Variants in ADARB2 observed in about 807,000 individuals in gnomAD.
The protein encoded by ADARB2 is adenosine deaminase RNA specific B2 (inactive), also known as inactive double-stranded RNA-specific editase B2.
Under a neutral mutation model 62.2 loss-of-function variants are expected in ADARB2, and 25 were observed. The observed-to-expected ratio is 0.40, with a 90% CI of 0.29 to 0.56. ADARB2 has a LOEUF of 0.56. Among genes scored for constraint, ADARB2 ranks in the 20% least tolerant of loss-of-function variants. The pLI is 0.43. For missense variants in ADARB2, 1,071 were observed against 1,077.4 expected, an observed-to-expected ratio of 0.99 and a Z score of 0.08; for synonymous variants, 572 against 500.8, an observed-to-expected ratio of 1.14 and a Z score of -1.90.
intron 1 of ADARB2, among the ~76,000 whole-genome samples, chr10:1,730,669 T>C (rs909586315): frequency 2.0e-5 from 3 of 152,016 alleles, no homozygotes; most frequent in Non-Finnish European, 4.4e-5. Context: ...TTACTCTTCT[T>C]TTTTTATAGG....
At chr10:1,536,745 A>G (rs1832337903) in intron 1 of ADARB2, among the ~76,000 whole-genome samples, 1 of 152,216 alleles carries the variant, frequency 6.6e-6, no homozygotes, top group Admixed American at 6.5e-5. Flanking sequence ...GGTGCTGGGA[A>G]AACTGGCCAG....
intron 1 of ADARB2, among the ~76,000 whole-genome samples, chr10:1,669,457 G>C (rs1834353362): frequency 6.7e-6 from 1 of 149,342 alleles, no homozygotes; most frequent in Admixed American, 6.7e-5. Flanking sequence ...CACAAACAGG[G>C]AGACACAAAC....
intron 7 of ADARB2, among the ~76,000 whole-genome samples, chr10:1,202,670 C>T (rs1276308799): frequency 2.0e-5 from 3 of 152,208 alleles, no homozygotes; most frequent in South Asian, 2.1e-4. Flanking sequence ...CCCAGGGCTC[C>T]GGGTACTGTG....
intron 3 of ADARB2, among the ~76,000 whole-genome samples, chr10:1,295,284 T>C (rs1430054043): frequency 6.6e-6 from 1 of 152,118 alleles, no homozygotes; most frequent in East Asian, 1.9e-4. Context: ...AGCCAAGAAA[T>C]GACCTTCAAG....
intron 1 of ADARB2, among the ~76,000 whole-genome samples, chr10:1,651,844 C>G (rs994695542): frequency 1.1e-3 from 1 of 944 alleles, no homozygotes; most frequent in Admixed American, 6.8e-3. Context: ...GCTCTTCTCA[C>G]CCCCACACGA....
chr10:1,341,966 C>T (rs1203511769), intron 3 of ADARB2, among the ~76,000 whole-genome samples: 1 of 152,246 alleles, frequency 6.6e-6, no homozygotes, highest in Non-Finnish European at 1.5e-5. Flanking sequence ...CACTTTCACC[C>T]TCTCACTCTT....
intron 1 of ADARB2, among the ~76,000 whole-genome samples, chr10:1,715,313 TTATC>T (rs1239093401): frequency 3.3e-5 from 5 of 152,184 alleles, no homozygotes; most frequent in African/African-American, 4.8e-5. Context: ...TGGCAGAACT[TTATC>T]TATGCCTTTT....
intron 1 of ADARB2, among the ~76,000 whole-genome samples, chr10:1,670,781 T>C (rs1834374544): frequency 6.6e-6 from 1 of 152,136 alleles, no homozygotes; most frequent in Non-Finnish European, 1.5e-5. Context: ...TCCAGCAGGT[T>C]TCTGCTTCTC....
intron 1 of ADARB2, among the ~76,000 whole-genome samples, chr10:1,463,220 G>T (rs1039576882): frequency 1.3e-5 from 2 of 152,192 alleles, no homozygotes; most frequent in African/African-American, 4.8e-5. Flanking sequence ...GGGGGCAGAT[G>T]CCTGTGGTGT....
intron 1 of ADARB2, among the ~76,000 whole-genome samples, chr10:1,473,777 G>A (rs1328187570): frequency 6.6e-6 from 1 of 152,246 alleles, no homozygotes; most frequent in Non-Finnish European, 1.5e-5. Flanking sequence ...CTCATGGACT[G>A]GAAATCTGGG....
chr10:1,658,353 TTCTC>T (rs151294663), intron 1 of ADARB2, among the ~76,000 whole-genome samples: 4,214 of 151,946 alleles, frequency 0.028, 98 homozygotes, highest in East Asian at 0.069. Context: ...GATTCTCTGA[TTCTC>T]TCTGTTTTTC....
intron 1 of ADARB2, among the ~76,000 whole-genome samples, chr10:1,656,531 GGAGAGAGA>G (rs35967442): frequency 1.3e-5 from 2 of 150,186 alleles, no homozygotes; most frequent in Non-Finnish European, 3.0e-5. Flanking sequence ...AGAGAAAAAG[GGAGAGAGA>G]GAGAGAGAGA....
chr10:1,455,703 C>T (rs186255011), intron 1 of ADARB2, among the ~76,000 whole-genome samples: 2 of 152,240 alleles, frequency 1.3e-5, no homozygotes, highest in East Asian at 1.9e-4. Flanking sequence ...GAGCCATTTA[C>T]GATTGTCAAT....
chr10:1,561,613 C>A (rs1832786831), intron 1 of ADARB2, among the ~76,000 whole-genome samples: 1 of 152,150 alleles, frequency 6.6e-6, no homozygotes, highest in Admixed American at 6.5e-5. Flanking sequence ...GTTGCCGGAA[C>A]CTGCCAGTCC....
chr10:1,726,347 T>A (rs1411301484), intron 1 of ADARB2, among the ~76,000 whole-genome samples: 1 of 149,962 alleles, frequency 6.7e-6, no homozygotes, highest in Non-Finnish European at 1.5e-5. Context: ...ATTGATATGA[T>A]TCCAAAGTTA....
At chr10:1,557,244 C>G (rs1832718894) in intron 1 of ADARB2, among the ~76,000 whole-genome samples, 1 of 144,120 alleles carries the variant, frequency 6.9e-6, no homozygotes, top group African/African-American at 2.6e-5. Flanking sequence ...ACCACCTCGT[C>G]TGACTCCCCG....
chr10:1,536,191 T>A (rs551239045), intron 1 of ADARB2, among the ~76,000 whole-genome samples: 27 of 151,994 alleles, frequency 1.8e-4, no homozygotes, highest in African/African-American at 6.0e-4. Flanking sequence ...GGAGGTGATT[T>A]GGGTTAGATG....
At chr10:1,314,283 T>C (rs969572806) in intron 3 of ADARB2, among the ~76,000 whole-genome samples, 1 of 151,952 alleles carries the variant, frequency 6.6e-6, no homozygotes, top group Non-Finnish European at 1.5e-5. Flanking sequence ...AGTAAGGACA[T>C]CTCCCCTCGC....
chr10:1,655,206 C>T (rs1025463273), intron 1 of ADARB2, among the ~76,000 whole-genome samples: 3 of 152,192 alleles, frequency 2.0e-5, no homozygotes, highest in East Asian at 1.9e-4. Context: ...CCTGCCTGTG[C>T]TATGACAGTT....
Sources: gnomAD v4.1 joint callset for allele counts (sites outside exome capture counted in the v4.1 genomes callset) on GRCh38, gnomAD v4.1.1 for gene constraint, MANE v1.5 for transcripts, NCBI Gene and HGNC (gene_info 2026-07-23, HGNC 2026-07-21) for gene names.